Variants in UGGT2 observed in about 807,000 individuals in gnomAD.
UGGT2 encodes the protein UDP-glucose:glycoprotein glucosyltransferase 2.
Under a neutral mutation model 192.1 loss-of-function variants are expected in UGGT2, and 180 were observed. That is an observed-to-expected ratio of 0.94 (90% CI 0.83 to 1.06). UGGT2 has a LOEUF of 1.06. Among genes scored for constraint, UGGT2 ranks in the 50% least tolerant of loss-of-function variants. UGGT2 has a pLI of 0.00. For synonymous variants in UGGT2, 580 were observed against 591.0 expected, an observed-to-expected ratio of 0.98 and a Z score of 0.27; for missense variants, 1,849 against 1,795.7, an observed-to-expected ratio of 1.03 and a Z score of -0.54.
chr13:96,026,618 A>C (rs2052671747), intron 2 of UGGT2, among the ~76,000 whole-genome samples: 1 of 150,774 alleles, frequency 6.6e-6, no homozygotes, highest in Non-Finnish European at 1.5e-5. Context: ...GTTGCTTTAA[A>C]CAGTTGACAT....
intron 20 of UGGT2, among the ~76,000 whole-genome samples, chr13:95,923,901 T>C (rs529693727): frequency 8.5e-5 from 13 of 152,288 alleles, no homozygotes; most frequent in East Asian, 5.8e-4. Context: ...AGTCTTTGAT[T>C]TTATGTACTT....
chr13:96,034,551 A>G (rs1057197016), intron 1 of UGGT2, among the ~76,000 whole-genome samples: 2 of 152,228 alleles, frequency 1.3e-5, no homozygotes, highest in Admixed American at 1.3e-4. Context: ...CATTGCAGGC[A>G]ATGAAAAGGA....
chr13:95,858,190 G>C (rs1889803523), intron 33 of UGGT2, among the ~76,000 whole-genome samples: 2 of 151,828 alleles, frequency 1.3e-5, no homozygotes, highest in Admixed American at 6.6e-5. Context: ...TCAAAGAAAA[G>C]TATGGCCCTT....
intron 2 of UGGT2, among the ~76,000 whole-genome samples, chr13:96,027,204 A>G (rs2052695967): frequency 1.3e-5 from 2 of 152,228 alleles, no homozygotes; most frequent in Admixed American, 1.3e-4. Flanking sequence ...ACATCAGTCA[A>G]AGGACTGGTC....
chr13:96,008,495 C>T (rs563548193), intron 5 of UGGT2, among the ~76,000 whole-genome samples: 1 of 152,148 alleles, frequency 6.6e-6, no homozygotes, highest in Non-Finnish European at 1.5e-5. Context: ...AGTCTCTGCA[C>T]AAAAGCTCCT....
chr13:95,849,125 AAATCTACAT>A (rs1468608554), intron 36 of UGGT2, among the ~76,000 whole-genome samples: 3 of 152,160 alleles, frequency 2.0e-5, no homozygotes, highest in Non-Finnish European at 4.4e-5. Context: ...TTATATTCTT[AAATCTACAT>A]CAGGCAATGT....
chr13:95,986,136 ATACACACATG>A (rs66727822), intron 9 of UGGT2, among the ~76,000 whole-genome samples, 187 bp downstream of exon 9: 54,417 of 151,742 alleles, frequency 0.36, 10,019 homozygotes, highest in Middle Eastern at 0.4. Flanking sequence ...CTTACAGTGC[ATACACACATG>A]TATGCACAAG....
chr13:95,989,768 T>C (rs186606436), intron 8 of UGGT2, among the ~76,000 whole-genome samples: 1 of 152,214 alleles, frequency 6.6e-6, no homozygotes, highest in East Asian at 1.9e-4. Context: ...TTCATATAAT[T>C]TTAAGTCTTG....
At chr13:95,930,426 CTTG>C (rs148167462) in intron 17 of UGGT2, among the ~76,000 whole-genome samples, 52,491 of 151,884 alleles carry the variant, frequency 0.35, 9,777 homozygotes, top group East Asian at 0.45. Context: ...TTTAATCCAT[CTTG>C]TTAAGTTTTG....
chr13:95,970,153 C>T lies in UGGT2; in HGVS notation c.1294G>A (p.Glu432Lys), dbSNP rs531131001. The change falls in exon 12 of 39, where the codon GAA (glutamate) becomes AAA (lysine). Residue 432 changes from glutamate (E) to lysine (K), a missense_variant. Glu to Lys is a moderately conservative substitution (Grantham distance 56, BLOSUM62 1). Coordinates refer to ENST00000376747, the MANE Select transcript of UGGT2 (RefSeq NM_020121.4). ...CGAATATCTAATACATAAGTATATT[C>T]CCAAATGTGTGAATTTAATTTTAAA... Reference protein sequence around the residue: ...KFLKLNSHIWEYTYVLDIRHS... With the variant: ...KFLKLNSHIWKYTYVLDIRHS... 5.6e-6 allele frequency: 9 copies of T among 1,610,588 alleles called. No homozygotes were observed. The South Asian group carries it at 6.6e-5, about 12-fold the overall frequency.
chr13:95,999,211 T>A lies in UGGT2; in HGVS notation c.757A>T (p.Thr253Ser). The A allele has an allele frequency of 1.2e-6, 2 of 1,612,842 alleles. No homozygotes were observed. The highest frequency in any genetic ancestry group is 2.2e-5 in the South Asian group (2 of 90,990). Residue 253 changes from threonine to serine, a missense_variant and splice_region_variant, in exon 6 of 39, where the codon ACT becomes TCT. By Grantham distance (58) the Thr-to-Ser change is moderately conservative. Transcript: ENST00000376747. Reference sequence around the variant, plus strand: ...TCAAGTACTGAGATAGAGAACTTACTTTTAACTTGGGTATCATCCAGTGCT... The same window carrying A: ...TCAAGTACTGAGATAGAGAACTTACATTTAACTTGGGTATCATCCAGTGCT... The part of the protein sequence containing the change: ...YKALDDTQVK[T>S]VTNTTVEDET...
intron 1 of UGGT2, among the ~76,000 whole-genome samples, chr13:96,033,319 C>T (rs1221738415): frequency 2.6e-5 from 4 of 152,164 alleles, no homozygotes; most frequent in Non-Finnish European, 5.9e-5. Flanking sequence ...GGAGATATGG[C>T]CAGGGTTGTG....
chr13:95,957,512 CAG>C (rs1270400578), intron 12 of UGGT2, among the ~76,000 whole-genome samples: 1 of 152,134 alleles, frequency 6.6e-6, no homozygotes, highest in Non-Finnish European at 1.5e-5. Context: ...AGCAGGGTGG[CAG>C]AGAAGGGAGG....
At chr13:96,029,061 G>A (rs1395774567) in intron 2 of UGGT2, among the ~76,000 whole-genome samples, 3 of 152,078 alleles carry the variant, frequency 2.0e-5, no homozygotes, top group Admixed American at 1.3e-4. Flanking sequence ...TTAGGTGGGA[G>A]AATGGTGTGA....
At chr13:95,901,726 A>C (rs1249413931) in intron 21 of UGGT2, among the ~76,000 whole-genome samples, 1 of 152,134 alleles carries the variant, frequency 6.6e-6, no homozygotes, top group East Asian at 1.9e-4. Flanking sequence ...AACTGAATTT[A>C]AAATCTTATT....
intron 1 of UGGT2, among the ~76,000 whole-genome samples, chr13:96,041,277 G>T (rs1238893494): frequency 6.6e-6 from 1 of 152,164 alleles, no homozygotes; most frequent in African/African-American, 2.4e-5. Flanking sequence ...GACCTTACCT[G>T]GGGCTGAGTC....
intron 6 of UGGT2, among the ~76,000 whole-genome samples, chr13:95,996,887 T>A (rs2051639686): frequency 1.3e-5 from 2 of 152,248 alleles, no homozygotes; most frequent in South Asian, 4.1e-4. Flanking sequence ...AGATATAATA[T>A]TTTATAGTCA....
intron 38 of UGGT2, among the ~76,000 whole-genome samples, chr13:95,812,140 G>A (rs1432516768): frequency 6.6e-6 from 1 of 152,138 alleles, no homozygotes; most frequent in Non-Finnish European, 1.5e-5. Flanking sequence ...GCCACTGCAA[G>A]CACAAAATAG....
intron 38 of UGGT2, among the ~76,000 whole-genome samples, chr13:95,813,537 T>C (rs1884676925): frequency 6.6e-6 from 1 of 152,192 alleles, no homozygotes; most frequent in South Asian, 2.1e-4. Flanking sequence ...AAGAAATGAT[T>C]TAAAGTTGGA....
Sources: gnomAD v4.1 joint callset for allele counts (sites outside exome capture counted in the v4.1 genomes callset) on GRCh38, gnomAD v4.1.1 for gene constraint, MANE v1.5 for transcripts, NCBI Gene and HGNC (gene_info 2026-07-23, HGNC 2026-07-21) for gene names.